Variants in IGF1R observed in about 807,000 individuals in gnomAD.
The protein encoded by IGF1R is insulin-like growth factor 1 receptor.
A neutral mutation model predicts 144.6 loss-of-function variants in IGF1R; 44 were observed. That is an observed-to-expected ratio of 0.30 (90% confidence interval 0.24 to 0.39). The LOEUF (loss-of-function observed/expected upper bound fraction) is 0.39, where lower values mean the gene tolerates loss of function less well. IGF1R is among the 10% of genes least tolerant of loss of function. IGF1R has a pLI of 1.00. For missense variants in IGF1R, 1,355 were observed against 1,833.7 expected (o/e 0.74, Z 4.77); for synonymous variants, 795 against 722.8 (o/e 1.10, Z -1.60).
intron 2 of IGF1R, among the ~76,000 whole-genome samples, chr15:98,888,866 C>T (rs1325263184): frequency 6.6e-6 from 1 of 152,186 alleles, no homozygotes; most frequent in Non-Finnish European, 1.5e-5. Flanking sequence ...AGCGGCCCCA[C>T]TCTCATAAGG....
intron 1 of IGF1R, among the ~76,000 whole-genome samples, chr15:98,694,097 A>G (rs2141237091): frequency 6.6e-6 from 1 of 151,970 alleles, no homozygotes; most frequent in South Asian, 2.1e-4. Flanking sequence ...ATTTACATTG[A>G]TCCCTATGCA....
intron 2 of IGF1R, among the ~76,000 whole-genome samples, chr15:98,779,164 G>A (rs1188046224): frequency 6.6e-6 from 1 of 152,206 alleles, no homozygotes; most frequent in African/African-American, 2.4e-5. Flanking sequence ...ATGTATTCAA[G>A]GTCGGTGTAT....
chr15:98,781,081 C>T (rs931427804), intron 2 of IGF1R, among the ~76,000 whole-genome samples: 12 of 152,096 alleles, frequency 7.9e-5, no homozygotes, highest in South Asian at 4.1e-4. Flanking sequence ...ACATTTGTGC[C>T]GCTGTACTCC....
rs147868564 is a variant in IGF1R, at chr15:98,687,387, C to T, written c.95-20175C>T. Among the ~76,000 whole-genome samples the T allele has an allele frequency of 7.0e-4, 107 of 152,256 alleles. No individual in the cohort carries two copies. In the East Asian group the frequency reaches 0.015, roughly 21 times the overall value. ...GGAGCTGCTGGGAAGCATGTGTACTCGGTGTCTTGGAGTTTAGAAACCTCA... is the reference window on the plus strand; with the variant it reads ...GGAGCTGCTGGGAAGCATGTGTACTTGGTGTCTTGGAGTTTAGAAACCTCA... On this transcript the variant is annotated intron_variant, in intron 1 of 20. Coordinates refer to ENST00000650285, the MANE Select transcript of IGF1R (RefSeq NM_000875.5).
intron 5 of IGF1R, among the ~76,000 whole-genome samples, chr15:98,906,413 G>A (rs1333972141): frequency 1.3e-5 from 2 of 152,336 alleles, no homozygotes; most frequent in Admixed American, 1.3e-4. Context: ...CCCGACATTT[G>A]GGGGTGCATC....
chr15:98,806,206 C>A (rs2056467121), intron 2 of IGF1R, among the ~76,000 whole-genome samples: 1 of 152,086 alleles, frequency 6.6e-6, no homozygotes. Context: ...GGCTCTATGT[C>A]CAGAGTGGAC....
In IGF1R at chr15:98,709,927, G is replaced by A. The variant is rs185320158; in HGVS notation, c.640+1820G>A. Among the ~76,000 whole-genome samples, 943 of 152,298 alleles carry A rather than the reference G, an allele frequency of 6.2e-3. 9 individuals carry two copies. Among genetic ancestry groups the A allele is most frequent in the African/African-American group, 0.022 (911 of 41,576 alleles). On this transcript the variant is annotated intron_variant, in intron 2 of 20. Transcript: ENST00000650285. Reference sequence around the variant, plus strand: ...TTTTGGCTGTTTCTGATGAGCTACTGATTGAAGACCCCTGGGGTAGGGGTG... The same window carrying A: ...TTTTGGCTGTTTCTGATGAGCTACTAATTGAAGACCCCTGGGGTAGGGGTG...
At chr15:98,882,270 C>A (rs536115703) in intron 2 of IGF1R, among the ~76,000 whole-genome samples, 36 of 152,342 alleles carry the variant, frequency 2.4e-4, no homozygotes, top group African/African-American at 7.7e-4. Flanking sequence ...CCCTGCGTGT[C>A]AGACACCTGC....
chr15:98,810,262 G>T (rs2056557691), intron 2 of IGF1R, among the ~76,000 whole-genome samples: 1 of 152,146 alleles, frequency 6.6e-6, no homozygotes, highest in South Asian at 2.1e-4. Flanking sequence ...CTTGGTATCT[G>T]TATTACATCC....
chr15:98,904,049 ATTTT>A (rs35759630), intron 5 of IGF1R, among the ~76,000 whole-genome samples: 6 of 103,784 alleles, frequency 5.8e-5, no homozygotes, highest in Non-Finnish European at 5.8e-5. Context: ...TGATGGGTGA[ATTTT>A]TTTTTTTTTT....
At chr15:98,673,037 C>G (rs141983552) in intron 1 of IGF1R, among the ~76,000 whole-genome samples, 7,868 of 151,960 alleles carry the variant, frequency 0.052, 338 homozygotes, top group Non-Finnish European at 0.078. Context: ...CTTTATTATC[C>G]TGGCTGGAGT....
At chr15:98,896,622 A>G (rs879600184) in intron 3 of IGF1R, 135 bp from the exon 4 acceptor site, 14 of 904,964 alleles carry the variant, frequency 1.5e-5, no homozygotes, top group Non-Finnish European at 2.2e-5. Flanking sequence ...ATGTGACCAC[A>G]TGAACACTTC....
intron 2 of IGF1R, among the ~76,000 whole-genome samples, chr15:98,729,813 T>C (rs1211790338): frequency 6.6e-6 from 1 of 152,206 alleles, no homozygotes; most frequent in Non-Finnish European, 1.5e-5. Flanking sequence ...TGTGTGTGAG[T>C]GTGTCTTTCC....
Position 98,962,957 on chromosome 15 carries a change from C to CGT in IGF1R, c.*5524_*5525dup, listed in dbSNP as rs1298956539. 10 of 233,546 alleles carry CGT rather than the reference C, an allele frequency of 4.3e-5. No individual in the cohort carries two copies. The highest frequency in any genetic ancestry group is 7.6e-5 in the Non-Finnish European group (9 of 118,040). 14.5% of individuals were successfully genotyped at this position (233,546 alleles called of 1,614,324 possible). A position where few individuals can be genotyped will look rare whatever the true frequency, so the allele number is the denominator to read the frequency against. On this transcript the variant is annotated 3_prime_UTR_variant, in exon 21 of 21. Transcript: ENST00000650285. Reference sequence around the variant, plus strand: ...AACGATCACTCATTTTTATGTCCCACGTGTGTGTGTCCGCATCTTTCTGGT... The same window carrying CGT: ...AACGATCACTCATTTTTATGTCCCACGTGTGTGTGTGTCCGCATCTTTCTGGT...
chr15:98,718,877 G>A (rs1005444936), intron 2 of IGF1R, among the ~76,000 whole-genome samples: 15 of 151,164 alleles, frequency 9.9e-5, no homozygotes, highest in African/African-American at 3.7e-4. Context: ...AGAGGTATTA[G>A]TTGTAATGCA....
chr15:98,674,977 A>ATTTTTTTTTTTTTTTTTT lies in IGF1R; in HGVS notation c.94+25309_94+25326dup, dbSNP rs71149408. ...AAATGCTAAATTTAGGTATTTTACA[A>ATTTTTTTTTTTTTTTTTT]TTTTTTTTTTTTTTTTTTTTTTTTG... On this transcript the variant is annotated intron_variant, in intron 1 of 20. Coordinates refer to ENST00000650285, the MANE Select transcript of IGF1R (RefSeq NM_000875.5). Among the ~76,000 whole-genome samples, 20 of 98,906 alleles carry ATTTTTTTTTTTTTTTTTT rather than the reference A, an allele frequency of 2.0e-4. 2 individuals carry two copies. The highest frequency in any genetic ancestry group is 7.5e-4 in the African/African-American group (18 of 23,982). 64.9% of individuals were successfully genotyped at this position (98,906 alleles called of 152,430 possible).
intron 2 of IGF1R, among the ~76,000 whole-genome samples, chr15:98,760,880 GA>G (rs2055279216): frequency 6.6e-6 from 1 of 152,250 alleles, no homozygotes; most frequent in East Asian, 1.9e-4. Context: ...AATGGGAAAG[GA>G]GCTGTCGCTC....
chr15:98,875,891 C>G (rs907518440), intron 2 of IGF1R, among the ~76,000 whole-genome samples: 5 of 152,150 alleles, frequency 3.3e-5, no homozygotes, highest in African/African-American at 1.2e-4. Context: ...GGATGGATGA[C>G]AGGCCTCATA....
At chr15:98,796,873 A>G (rs1031908821) in intron 2 of IGF1R, among the ~76,000 whole-genome samples, 2 of 152,336 alleles carry the variant, frequency 1.3e-5, no homozygotes, top group East Asian at 1.9e-4. Flanking sequence ...TGCTGAATGC[A>G]TGTTCACACT....
Sources: allele counts gnomAD v4.1 joint callset (sites outside exome capture counted in the v4.1 genomes callset), GRCh38; gene constraint gnomAD v4.1.1; transcripts MANE v1.5; gene names NCBI Gene and HGNC (gene_info 2026-07-23, HGNC 2026-07-21).